Variants in PVT1 observed in about 807,000 individuals in gnomAD.
PVT1 encodes the protein Pvt1 oncogene, also known as CXCR4/PVT1 fusion.
intron 3 of PVT1, among the ~76,000 whole-genome samples, chr8:127,967,918 G>A (rs183147580): frequency 1.3e-5 from 2 of 152,210 alleles, no homozygotes; most frequent in African/African-American, 4.8e-5. Context: ...TTGAGCGCCT[G>A]TAGTATGTGC....
intron 4 of PVT1, among the ~76,000 whole-genome samples, chr8:128,046,312 A>C (rs1198936480): frequency 1.3e-5 from 2 of 152,208 alleles, no homozygotes; most frequent in African/African-American, 4.8e-5. Flanking sequence ...AAATGGCCCT[A>C]AGAGGCCTCT....
chr8:127,846,534 G>T (rs1158521486), intron 2 of PVT1, among the ~76,000 whole-genome samples: 1 of 152,204 alleles, frequency 6.6e-6, no homozygotes, highest in Non-Finnish European at 1.5e-5. Flanking sequence ...TCAACTCCCT[G>T]ATGACTGGAG....
chr8:127,964,076 T>A (rs1387928453), intron 3 of PVT1, among the ~76,000 whole-genome samples: 1 of 151,756 alleles, frequency 6.6e-6, no homozygotes, highest in Non-Finnish European at 1.5e-5. Context: ...GATGAAGGAG[T>A]GCCATGACGA....
chr8:127,858,724 A>ACAGCAAGC (rs1368500082), intron 2 of PVT1, among the ~76,000 whole-genome samples: 1 of 150,992 alleles, frequency 6.6e-6, no homozygotes, highest in Non-Finnish European at 1.5e-5. Context: ...CTACTAATGT[A>ACAGCAAGC]CAGCAAGCAG....
intron 5 of PVT1, among the ~76,000 whole-genome samples, chr8:128,072,521 T>G (rs1814010165): frequency 6.6e-6 from 1 of 152,232 alleles, no homozygotes; most frequent in African/African-American, 2.4e-5. Context: ...TATATGTCAC[T>G]TTATATTATG....
At chr8:128,085,301 G>A (rs1413680888) in intron 5 of PVT1, among the ~76,000 whole-genome samples, 3 of 152,062 alleles carry the variant, frequency 2.0e-5, no homozygotes, top group East Asian at 1.9e-4. Context: ...CTGACTACAA[G>A]GGCATGGAAA....
chr8:127,966,862 T>C (rs1816708092), intron 3 of PVT1, among the ~76,000 whole-genome samples: 1 of 152,168 alleles, frequency 6.6e-6, no homozygotes, highest in African/African-American at 2.4e-5. Context: ...GGGGAGTACC[T>C]GCTGACGGGG....
At chr8:127,875,989 C>T (rs775572854) in intron 2 of PVT1, among the ~76,000 whole-genome samples, 1 of 152,174 alleles carries the variant, frequency 6.6e-6, no homozygotes, top group African/African-American at 2.4e-5. Flanking sequence ...CTGTGGCACC[C>T]CTGCCTTACC....
intron 5 of PVT1, among the ~76,000 whole-genome samples, chr8:128,077,873 A>T (rs1430851234): frequency 5.3e-5 from 8 of 152,218 alleles, no homozygotes; most frequent in Non-Finnish European, 1.2e-4. Flanking sequence ...CTGACCTATG[A>T]TTCACAGATA....
At chr8:127,956,836 C>G (rs969393595) in intron 3 of PVT1, among the ~76,000 whole-genome samples, 10 of 152,210 alleles carry the variant, frequency 6.6e-5, no homozygotes, top group Admixed American at 6.5e-5. Flanking sequence ...AAAACAGGGT[C>G]TGCTTCACAC....
chr8:128,037,410 T>C (rs1813478153), intron 4 of PVT1, among the ~76,000 whole-genome samples: 1 of 152,258 alleles, frequency 6.6e-6, no homozygotes, highest in Admixed American at 6.5e-5. Context: ...CTATAGAGAA[T>C]GTTCTTTTCC....
chr8:128,080,836 C>A (rs1408133367), intron 5 of PVT1, among the ~76,000 whole-genome samples: 1 of 152,122 alleles, frequency 6.6e-6, no homozygotes, highest in Non-Finnish European at 1.5e-5. Flanking sequence ...AGAGTTTTAT[C>A]GTTTTAAATT....
chr8:128,065,036 A>T (rs2608051), intron 4 of PVT1, among the ~76,000 whole-genome samples: 2 of 151,916 alleles, frequency 1.3e-5, no homozygotes, highest in African/African-American at 2.4e-5. Flanking sequence ...AGATTTTACT[A>T]TCAGAGAAAC....
intron 5 of PVT1, among the ~76,000 whole-genome samples, chr8:128,074,227 C>T (rs1814049003): frequency 6.6e-6 from 1 of 152,194 alleles, no homozygotes. Context: ...CATATCCCGA[C>T]CGGGCACAGT....
chr8:128,078,276 G>T (rs1814117935), intron 5 of PVT1, among the ~76,000 whole-genome samples: 1 of 152,202 alleles, frequency 6.6e-6, no homozygotes, highest in Non-Finnish European at 1.5e-5. Context: ...TGCTGGGTAG[G>T]CGAGTGAGTG....
At chr8:127,877,027 A>G (rs1010617114) in intron 2 of PVT1, among the ~76,000 whole-genome samples, 2 of 152,202 alleles carry the variant, frequency 1.3e-5, no homozygotes, top group African/African-American at 4.8e-5. Context: ...AGGAGTTGGA[A>G]CAAAGGTGGT....
rs962884126 is a variant in PVT1, at chr8:127,947,527, C to T, written n.783-41635C>T. 3 of 360,650 alleles carry T rather than the reference C, an allele frequency of 8.3e-6. No individual in the cohort carries two copies. In the East Asian group the frequency reaches 2.2e-4, roughly 26 times the overall value. 22.3% of individuals were successfully genotyped at this position (360,650 alleles called of 1,614,324 possible). On this transcript the variant is annotated intron_variant and non_coding_transcript_variant, in intron 3 of 10. Coordinates refer to ENST00000651587, the Ensembl canonical transcript of PVT1. ...GGCACACTGAGCCTGTAGGGATTTA[C>T]AAGGTGGGCCTCAGGTTTCTCCCCT...
chr8:127,865,365 G>T (rs1815276493), intron 2 of PVT1, among the ~76,000 whole-genome samples: 1 of 152,150 alleles, frequency 6.6e-6, no homozygotes, highest in Non-Finnish European at 1.5e-5. Context: ...CTGATCTCTG[G>T]AACATGGGGA....
chr8:128,059,588 A>G (rs895020698), intron 4 of PVT1, among the ~76,000 whole-genome samples: 11 of 152,222 alleles, frequency 7.2e-5, no homozygotes, highest in African/African-American at 2.2e-4. Context: ...CATATCTCCT[A>G]TGGCTGCATT....
Sources: gnomAD v4.1 joint callset for allele counts (sites outside exome capture counted in the v4.1 genomes callset) on GRCh38, gnomAD v4.1.1 for gene constraint, MANE v1.5 for transcripts, NCBI Gene and HGNC (gene_info 2026-07-23, HGNC 2026-07-21) for gene names.